The following CNTN6 variants were observed in gnomAD, a reference collection of about 807,000 sequenced individuals.
CNTN6 encodes the protein contactin-6.
A neutral mutation model predicts 122.8 loss-of-function variants in CNTN6; 137 were observed. That is an observed-to-expected ratio of 1.12 (90% CI 0.97 to 1.29). The LOEUF is 1.29. CNTN6 is among the 50% of genes most tolerant of loss of function. CNTN6 has a pLI of 0.00. For missense variants in CNTN6, 1,634 were observed against 1,223.4 expected, an observed-to-expected ratio of 1.34 and a Z score of -5.01; for synonymous variants, 570 against 426.0, an observed-to-expected ratio of 1.34 and a Z score of -4.16.
intron 1 of CNTN6, among the ~76,000 whole-genome samples, chr3:1,125,413 C>T (rs962316392): frequency 4.0e-5 from 6 of 151,812 alleles, no homozygotes; most frequent in Admixed American, 3.3e-4. Context: ...CCTTTTACAT[C>T]AATGGGCTTG....
intron 2 of CNTN6, among the ~76,000 whole-genome samples, chr3:1,181,078 C>T (rs1299587218): frequency 1.3e-5 from 2 of 152,032 alleles, no homozygotes; most frequent in Non-Finnish European, 2.9e-5. Context: ...TTGTGAATTT[C>T]GGCAAAGGCA....
chr3:1,252,785 T>G (rs1302900339), intron 4 of CNTN6, among the ~76,000 whole-genome samples: 2 of 152,020 alleles, frequency 1.3e-5, no homozygotes, highest in Admixed American at 6.6e-5. Flanking sequence ...AAATAGAGGG[T>G]CCTTCCTGCC....
At chr3:1,138,989 G>A (rs1223134402) in intron 1 of CNTN6, among the ~76,000 whole-genome samples, 4 of 151,968 alleles carry the variant, frequency 2.6e-5, no homozygotes, top group Non-Finnish European at 5.9e-5. Flanking sequence ...GTAGGATTGG[G>A]CTGAGAACTT....
intron 4 of CNTN6, among the ~76,000 whole-genome samples, chr3:1,235,111 C>T (rs1305412501): frequency 6.6e-6 from 1 of 152,134 alleles, no homozygotes; most frequent in Non-Finnish European, 1.5e-5. Context: ...AAATTCAGGC[C>T]TTCTCCCACT....
intron 1 of CNTN6, among the ~76,000 whole-genome samples, chr3:1,121,404 G>A (rs1368988459): frequency 6.6e-6 from 1 of 151,844 alleles, no homozygotes; most frequent in East Asian, 1.9e-4. Flanking sequence ...TGAAGCTCAT[G>A]TTGCAAGATG....
chr3:1,127,326 T>C (rs928698494), intron 1 of CNTN6, among the ~76,000 whole-genome samples: 1 of 151,772 alleles, frequency 6.6e-6, no homozygotes, highest in Admixed American at 6.6e-5. Flanking sequence ...AATGACAGTA[T>C]TACATAATGG....
At chr3:1,382,836 T>C in intron 17 of CNTN6, 106 bp from the exon 18 acceptor site, 1 of 747,478 alleles carries the variant, frequency 1.3e-6, no homozygotes, top group Non-Finnish European at 2.2e-6. Flanking sequence ...AGAATAAATA[T>C]CCATATTTGT....
chr3:1,248,907 T>A (rs1260597870), intron 4 of CNTN6, among the ~76,000 whole-genome samples: 2 of 152,204 alleles, frequency 1.3e-5, no homozygotes, highest in African/African-American at 4.8e-5. Context: ...TGCCAGACAT[T>A]CTGACATCTT....
chr3:1,188,899 A>G (rs1373117221), intron 2 of CNTN6, among the ~76,000 whole-genome samples: 1 of 152,120 alleles, frequency 6.6e-6, no homozygotes, highest in Non-Finnish European at 1.5e-5. Flanking sequence ...TTTTTTCTGT[A>G]CACATGTGTG....
intron 11 of CNTN6, among the ~76,000 whole-genome samples, chr3:1,349,726 T>A (rs188951941): frequency 7.7e-4 from 116 of 150,708 alleles, no homozygotes; most frequent in African/African-American, 2.6e-3. Flanking sequence ...CTGGAAATTC[T>A]TTTATAGTTT....
At chr3:1,298,527 G>A (rs975734229) in intron 7 of CNTN6, among the ~76,000 whole-genome samples, 15 of 152,142 alleles carry the variant, frequency 9.9e-5, no homozygotes, top group African/African-American at 3.4e-4. Flanking sequence ...ACTCAGATAA[G>A]TATTTATTAG....
At chr3:1,216,006 T>C (rs931982415) in intron 2 of CNTN6, among the ~76,000 whole-genome samples, 2 of 152,314 alleles carry the variant, frequency 1.3e-5, no homozygotes, top group South Asian at 2.1e-4. Flanking sequence ...GCCAGATTAT[T>C]ATTGGAAGAG....
chr3:1,228,945 A>G (rs2094320535), intron 4 of CNTN6, among the ~76,000 whole-genome samples: 1 of 100,036 alleles, frequency 1.0e-5, no homozygotes, highest in African/African-American at 3.8e-5. Context: ...TACACCAGAG[A>G]TCCCTTGATC....
At chr3:1,379,381 A>G (rs1244028524) in intron 17 of CNTN6, among the ~76,000 whole-genome samples, 1 of 152,106 alleles carries the variant, frequency 6.6e-6, no homozygotes, top group African/African-American at 2.4e-5. Flanking sequence ...TAAAATATTT[A>G]CTATCTGGTA....
chr3:1,185,851 T>C (rs1325438599), intron 2 of CNTN6, among the ~76,000 whole-genome samples: 1 of 152,194 alleles, frequency 6.6e-6, no homozygotes, highest in East Asian at 1.9e-4. Context: ...ACACAGTGCG[T>C]TGATCACATT....
At chr3:1,173,185 T>A (rs1467664684) in intron 2 of CNTN6, 1 of 456,306 alleles carries the variant, frequency 2.2e-6, no homozygotes. Context: ...GAAGGATCAC[T>A]CTATTTGTTT....
intron 20 of CNTN6, among the ~76,000 whole-genome samples, chr3:1,386,147 A>ACCTAT (rs1264204011): frequency 6.6e-6 from 1 of 152,152 alleles, no homozygotes; most frequent in Non-Finnish European, 1.5e-5. Flanking sequence ...TCAGTTGCCT[A>ACCTAT]CCTATAAAAT....
intron 4 of CNTN6, among the ~76,000 whole-genome samples, chr3:1,254,369 G>A (rs1050739336): frequency 3.9e-5 from 6 of 152,090 alleles, no homozygotes; most frequent in East Asian, 1.9e-4. Context: ...ATATTTCTAC[G>A]TGTTTACTTA....
intron 2 of CNTN6, among the ~76,000 whole-genome samples, chr3:1,173,965 T>C (rs2093405537): frequency 6.6e-6 from 1 of 151,944 alleles, no homozygotes; most frequent in Admixed American, 6.6e-5. Context: ...GATTTTCTGA[T>C]GCAGTGGGTA....
Sources: gnomAD v4.1 joint callset for allele counts (sites outside exome capture counted in the v4.1 genomes callset) on GRCh38, gnomAD v4.1.1 for gene constraint, MANE v1.5 for transcripts, NCBI Gene and HGNC (gene_info 2026-07-23, HGNC 2026-07-21) for gene names.